The following FMN2 variants were observed in gnomAD, a reference collection of about 807,000 sequenced individuals.
FMN2 encodes the protein formin-2.
FMN2 carries 51 observed loss-of-function variants against 142.3 expected under a neutral mutation model. The observed-to-expected ratio is 0.36, with a 90% CI of 0.29 to 0.45. The LOEUF is 0.45. Among genes scored for constraint, FMN2 ranks in the 20% least tolerant of loss-of-function variants. The pLI, the probability that FMN2 is intolerant of heterozygous loss-of-function variation, is 1.00. For synonymous variants in FMN2, 882 were observed against 869.8 expected, an observed-to-expected ratio of 1.01 and a Z score of -0.25; for missense variants, 1,936 against 2,122.8, an observed-to-expected ratio of 0.91 and a Z score of 1.73.
At chr1:240,253,012 G>A (rs1668336051) in intron 6 of FMN2, among the ~76,000 whole-genome samples, 1 of 131,552 alleles carries the variant, frequency 7.6e-6, no homozygotes, top group Non-Finnish European at 1.5e-5. Context: ...GAGTGCAGTG[G>A]TGCAATCTTG....
At chr1:240,441,639 G>A (rs992314855) in intron 16 of FMN2, among the ~76,000 whole-genome samples, 33 of 141,036 alleles carry the variant, frequency 2.3e-4, no homozygotes, top group Non-Finnish European at 4.4e-4. Flanking sequence ...TTAACCACTC[G>A]GTGTTGGTCC....
chr1:240,141,199 T>A (rs1663167028), intron 2 of FMN2, among the ~76,000 whole-genome samples: 1 of 152,164 alleles, frequency 6.6e-6, no homozygotes. Context: ...TCCTGGACAT[T>A]TTTAGAGATC....
intron 2 of FMN2, among the ~76,000 whole-genome samples, chr1:240,161,891 G>T (rs1422789724): frequency 6.6e-6 from 1 of 152,128 alleles, no homozygotes; most frequent in Admixed American, 6.5e-5. Flanking sequence ...GAGGTATCTT[G>T]TTGCTTATGG....
intron 15 of FMN2, among the ~76,000 whole-genome samples, chr1:240,437,363 G>A (rs1055455860): frequency 1.5e-4 from 22 of 142,640 alleles, no homozygotes; most frequent in Middle Eastern, 3.4e-3. Flanking sequence ...GTGCAATCTC[G>A]GCTCACTGCA....
chr1:240,122,975 A>T (rs1662343670), intron 1 of FMN2, among the ~76,000 whole-genome samples: 1 of 152,136 alleles, frequency 6.6e-6, no homozygotes, highest in Non-Finnish European at 1.5e-5. Context: ...TGAGAGAGCA[A>T]ACCAGTTCTG....
intron 3 of FMN2, among the ~76,000 whole-genome samples, chr1:240,186,832 A>G (rs999271607): frequency 1.3e-5 from 2 of 152,218 alleles, no homozygotes; most frequent in African/African-American, 4.8e-5. Context: ...ACAGATTCTC[A>G]TCTGAGTGAA....
At chr1:240,405,907 C>T (rs1354392815) in intron 15 of FMN2, among the ~76,000 whole-genome samples, 1 of 152,092 alleles carries the variant, frequency 6.6e-6, no homozygotes, top group African/African-American at 2.4e-5. Flanking sequence ...AGGATCAATT[C>T]AATTACATTA....
intron 14 of FMN2, among the ~76,000 whole-genome samples, chr1:240,372,437 G>T (rs1672898038): frequency 6.6e-6 from 1 of 151,954 alleles, no homozygotes; most frequent in African/African-American, 2.4e-5. Flanking sequence ...GAATTGAGTA[G>T]TAGCAAGTAT....
intron 15 of FMN2, among the ~76,000 whole-genome samples, chr1:240,397,127 T>C (rs1370630315): frequency 6.6e-6 from 1 of 152,216 alleles, no homozygotes; most frequent in Non-Finnish European, 1.5e-5. Context: ...CTGTTACGTT[T>C]TGACTTTAAT....
intron 14 of FMN2, among the ~76,000 whole-genome samples, chr1:240,361,275 G>A (rs1672474001): frequency 6.6e-6 from 1 of 150,536 alleles, no homozygotes; most frequent in African/African-American, 2.4e-5. Context: ...AGCATGTGAT[G>A]AGGCCGAACG....
At chr1:240,127,857 G>A (rs1386973751) in intron 2 of FMN2, among the ~76,000 whole-genome samples, 1 of 152,224 alleles carries the variant, frequency 6.6e-6, no homozygotes, top group East Asian at 1.9e-4. Flanking sequence ...TATGGCAGTA[G>A]TTTAGTTCTA....
At chr1:240,124,761 G>A (rs770919671) in intron 2 of FMN2, among the ~76,000 whole-genome samples, 28 of 151,962 alleles carry the variant, frequency 1.8e-4, no homozygotes, top group Admixed American at 3.3e-4. Flanking sequence ...TCCACCTCCC[G>A]AGTTCAAGCG....
At chr1:240,347,543 C>A (rs543972853) in intron 13 of FMN2, among the ~76,000 whole-genome samples, 1 of 152,186 alleles carries the variant, frequency 6.6e-6, no homozygotes, top group African/African-American at 2.4e-5. Flanking sequence ...TACTTTATAT[C>A]TTGGGGTTTT....
At position 240,106,393 on chromosome 1, in the gene FMN2, A is replaced by G. The variant is rs192729398; in HGVS notation, c.1615+12669A>G. The stretch of plus-strand genomic sequence containing the variant: ...ATCTCTCTTGTGAATTTCAGGTGCC[A>G]ATTTCATATTGTCTTTTAAACATCT... On this transcript the variant is annotated intron_variant, in intron 1 of 17. Coordinates refer to ENST00000319653, the MANE Select transcript of FMN2 (RefSeq NM_020066.5). 6.2e-4 allele frequency among the ~76,000 whole-genome samples: 95 copies of G among 152,304 alleles called. 1 individual carries two copies. Among genetic ancestry groups the G allele is most frequent in the African/African-American group, 2.1e-3 (88 of 41,582 alleles).
intron 7 of FMN2, among the ~76,000 whole-genome samples, chr1:240,281,223 C>G (rs919715508): frequency 4.6e-5 from 7 of 152,192 alleles, no homozygotes; most frequent in South Asian, 2.1e-4. Flanking sequence ...TGCAGGAAAG[C>G]CTTTCTTTAT....
chr1:240,138,986 C>T (rs1310135918), intron 2 of FMN2, among the ~76,000 whole-genome samples: 1 of 152,172 alleles, frequency 6.6e-6, no homozygotes. Flanking sequence ...GAGTCAGAAT[C>T]CCCCGAAGGG....
rs142221703 is a variant in FMN2 at position 240,360,512 on chromosome 1, C to G, written c.4858+4604C>G. Among the ~76,000 whole-genome samples, 7 of 152,328 alleles carry G rather than the reference C, an allele frequency of 4.6e-5. No individual in the cohort carries two copies. The East Asian group carries it at 1.4e-3, about 29-fold the overall frequency. ...TCAACTTCAGTTGTACGTTTTCCTT[C>G]TGGGCTTGATTCCTTCAACAGCACT... On this transcript the variant is annotated intron_variant, in intron 14 of 17. Transcript: ENST00000319653.
At chr1:240,392,711 A>G (rs1673646058) in intron 15 of FMN2, 149 bp downstream of exon 15, 1 of 586,260 alleles carries the variant, frequency 1.7e-6, no homozygotes, top group Non-Finnish European at 2.9e-6. Context: ...ATCTACAATG[A>G]ATTTCTGAAT....
intron 2 of FMN2, among the ~76,000 whole-genome samples, chr1:240,138,694 G>T (rs1663056208): frequency 6.6e-6 from 1 of 151,686 alleles, no homozygotes; most frequent in South Asian, 2.1e-4. Flanking sequence ...GCAACAGAGC[G>T]AGACTCTGTC....
Sources: allele counts gnomAD v4.1 joint callset (sites outside exome capture counted in the v4.1 genomes callset), GRCh38; gene constraint gnomAD v4.1.1; transcripts MANE v1.5; gene names NCBI Gene and HGNC (gene_info 2026-07-23, HGNC 2026-07-21).